TMEM68: variants seen among roughly 807,000 people sequenced by gnomAD.
The protein encoded by TMEM68 is DGAT1/2-independent enzyme synthesizing storage lipids.
In TMEM68, 25 loss-of-function variants were observed where a neutral mutation model predicts 36.9. The observed-to-expected ratio is 0.68, with a 90% CI of 0.49 to 0.95. TMEM68 has a LOEUF of 0.95. TMEM68 is among the 40% of genes least tolerant of loss of function. The pLI is 0.00. For missense variants in TMEM68, 333 were observed against 392.0 expected, an observed-to-expected ratio of 0.85 and a Z score of 1.27; for synonymous variants, 131 against 124.4, an observed-to-expected ratio of 1.05 and a Z score of -0.35.
intron 3 of TMEM68, among the ~76,000 whole-genome samples, chr8:55,757,161 C>T (rs550041494): frequency 1.3e-5 from 2 of 152,272 alleles, no homozygotes; most frequent in African/African-American, 2.4e-5. Flanking sequence ...ATCACTCCCA[C>T]CCTACTGATG....
chr8:55,752,377 A>G (rs1810446793), intron 4 of TMEM68, among the ~76,000 whole-genome samples: 1 of 152,114 alleles, frequency 6.6e-6, no homozygotes, highest in African/African-American at 2.4e-5. Flanking sequence ...ACCTGAGGTC[A>G]GGAGTTTGAG....
intron 5 of TMEM68, among the ~76,000 whole-genome samples, chr8:55,750,137 T>TA (rs1810388242): frequency 6.6e-6 from 1 of 152,250 alleles, no homozygotes; most frequent in South Asian, 2.1e-4. Context: ...TTTTAGTTTT[T>TA]ATCATTGTTT....
At chr8:55,764,367 A>G (rs1463983911) in intron 1 of TMEM68, among the ~76,000 whole-genome samples, 1 of 152,206 alleles carries the variant, frequency 6.6e-6, no homozygotes, top group Non-Finnish European at 1.5e-5. Flanking sequence ...TATTAGCCCT[A>G]TGATAATATT....
rs1810834720 is a variant in TMEM68 at position 55,762,705 on chromosome 8, A to T, written c.255T>A (p.Ser85=). 6.2e-7 allele frequency: 1 copy of T among 1,614,056 alleles called. No homozygotes were observed. The highest frequency in any genetic ancestry group is 1.1e-5 in the South Asian group (1 of 91,078). ...TCCTTGCACCATCCCATAAATTATG[A>T]GAGTAGGCTTCTTTCAATACATTCT... ...KRKNVLKEAY[S]HNLWDGARKT... The change falls in exon 3 of 8, where the codon TCT becomes TCA. Residue 85 remains serine, a synonymous_variant. Transcript: ENST00000434581.
chr8:55,740,466 G>A (rs1009413631), intron 7 of TMEM68, among the ~76,000 whole-genome samples: 1 of 150,444 alleles, frequency 6.6e-6, no homozygotes, highest in Non-Finnish European at 1.5e-5. Context: ...GTGCCTGGCT[G>A]CAGCATATTT....
intron 1 of TMEM68, among the ~76,000 whole-genome samples, chr8:55,766,182 A>G (rs1810957499): frequency 6.8e-6 from 1 of 146,336 alleles, no homozygotes; most frequent in African/African-American, 2.5e-5. Flanking sequence ...GACTTCTCTA[A>G]AAGATATTTT....
intron 1 of TMEM68, among the ~76,000 whole-genome samples, chr8:55,769,248 G>C (rs1811075649): frequency 7.2e-6 from 1 of 138,146 alleles, no homozygotes; most frequent in Non-Finnish European, 1.5e-5. Flanking sequence ...GCTTGAACCC[G>C]GGAGGCAGAG....
chr8:55,773,366 C>T lies in TMEM68; in HGVS notation c.-212G>A. 2.5e-6 allele frequency: 1 copy of T among 401,758 alleles called. No individual in the cohort carries two copies. The allele number at this position is 401,758 out of a possible 1,614,324, so 24.9% of individuals were successfully genotyped here. A position where few individuals can be genotyped will look rare whatever the true frequency, so the allele number is the denominator to read the frequency against. ...TCCGAAGCAACCCGTGTGAAAGAAGCCAAGCGGCGGCTGCAGCCCGGGCCG... is the reference window on the plus strand; with the variant it reads ...TCCGAAGCAACCCGTGTGAAAGAAGTCAAGCGGCGGCTGCAGCCCGGGCCG... On this transcript the variant is annotated 5_prime_UTR_variant, in exon 1 of 8. Transcript: ENST00000434581.
intron 1 of TMEM68, among the ~76,000 whole-genome samples, chr8:55,767,423 G>C (rs1254138035): frequency 6.6e-6 from 1 of 152,100 alleles, no homozygotes; most frequent in African/African-American, 2.4e-5. Flanking sequence ...TGGAGATCAG[G>C]AATTCCATTT....
intron 7 of TMEM68, 89 bp downstream of exon 7, chr8:55,743,392 T>C (rs1041055691): frequency 2.8e-6 from 4 of 1,430,204 alleles, no homozygotes; most frequent in African/African-American, 2.9e-5. Flanking sequence ...GACATGCTTG[T>C]AGAATATAAA....
intron 6 of TMEM68, among the ~76,000 whole-genome samples, chr8:55,744,610 A>G (rs1319762818): frequency 6.6e-6 from 1 of 152,060 alleles, no homozygotes; most frequent in Non-Finnish European, 1.5e-5. Context: ...CCCGGCCGCT[A>G]CAAAATATTT....
intron 4 of TMEM68, among the ~76,000 whole-genome samples, chr8:55,752,368 C>G (rs565572461): frequency 7.9e-5 from 12 of 152,114 alleles, no homozygotes; most frequent in African/African-American, 2.9e-4. Context: ...GGGCAGACCA[C>G]CTGAGGTCAG....
intron 7 of TMEM68, 47 bp downstream of exon 7, chr8:55,743,434 T>C (rs1217487957): frequency 1.4e-5 from 21 of 1,495,394 alleles, no homozygotes; most frequent in Non-Finnish European, 1.9e-5. Context: ...ATATAATAAT[T>C]GAAAATAAAA....
At chr8:55,771,116 T>C (rs1811142569) in intron 1 of TMEM68, among the ~76,000 whole-genome samples, 1 of 149,786 alleles carries the variant, frequency 6.7e-6, no homozygotes, top group South Asian at 2.1e-4. Flanking sequence ...ATCGCACCAT[T>C]GCACTCCAGC....
rs773601566 is a variant in TMEM68, at chr8:55,740,083, A to G, written c.*49T>C. On this transcript the variant is annotated 3_prime_UTR_variant, in exon 8 of 8. Transcript: ENST00000434581. The stretch of plus-strand genomic sequence containing the variant: ...TTCAGAAGACAGTACCTTAGATACA[A>G]ACATTTAATATAAATGTACTAAATC... 9 of 1,458,458 alleles carry G rather than the reference A, an allele frequency of 6.2e-6. No individual in the cohort carries two copies. In the Admixed American group the frequency reaches 1.6e-4, roughly 27 times the overall value. 90.3% of individuals were successfully genotyped at this position (1,458,458 alleles called of 1,614,324 possible).
chr8:55,747,824 A>T (rs974920714), intron 5 of TMEM68: 2 of 152,174 alleles, frequency 1.3e-5, no homozygotes, highest in Non-Finnish European at 2.9e-5. Context: ...ATAGTTGAGA[A>T]CCTAAAATGT....
At chr8:55,760,861 A>G (rs886405535) in intron 3 of TMEM68, 3 of 152,224 alleles carry the variant, frequency 2.0e-5, no homozygotes, top group Non-Finnish European at 4.4e-5. Flanking sequence ...ATTCTAACTC[A>G]AGTAATTCAA....
intron 7 of TMEM68, among the ~76,000 whole-genome samples, chr8:55,741,684 T>A (rs931865606): frequency 1.3e-5 from 2 of 152,050 alleles, no homozygotes; most frequent in African/African-American, 4.8e-5. Context: ...AATATTCCAA[T>A]AATGGTAAAG....
chr8:55,756,096 C>T (rs546123388), intron 4 of TMEM68, 148 bp downstream of exon 4: 4 of 467,876 alleles, frequency 8.5e-6, no homozygotes, highest in South Asian at 1.1e-4. Context: ...TTAGATATTC[C>T]CATATTAGAG....
Sources: allele counts gnomAD v4.1 joint callset (sites outside exome capture counted in the v4.1 genomes callset), GRCh38; gene constraint gnomAD v4.1.1; transcripts MANE v1.5; gene names NCBI Gene and HGNC (gene_info 2026-07-23, HGNC 2026-07-21).